Variants in AK7 observed in about 807,000 individuals in gnomAD.
AK7 encodes the protein ATP-AMP transphosphorylase 7.
AK7 carries 78 observed loss-of-function variants against 96.6 expected under a neutral mutation model. The observed-to-expected ratio is 0.81, with a 90% CI of 0.67 to 0.97. AK7 has a LOEUF of 0.97. Ranked by LOEUF, AK7 falls within the 50% of genes least tolerant of loss-of-function variation. The pLI, the probability that AK7 is intolerant of heterozygous loss-of-function variation, is 0.00. For missense variants in AK7, 855 were observed against 887.9 expected, an observed-to-expected ratio of 0.96 and a Z score of 0.47; for synonymous variants, 302 against 317.2, an observed-to-expected ratio of 0.95 and a Z score of 0.51.
chr14:96,486,990 G>A lies in AK7; in HGVS notation c.2067G>A (p.Met689Ile), dbSNP rs748958281. ...PLRNYLMTYVMPTLIQGLNEC... is the reference protein window; with the variant it reads ...PLRNYLMTYVIPTLIQGLNEC... ...GAAACTATTTAATGACCTATGTGAT[G>A]CCAACTCTTATTCAGGGCCTGAATG... The change falls in exon 17 of 18, where the codon ATG becomes ATA. Residue 689 changes from methionine to isoleucine, a missense_variant. Met to Ile is a conservative substitution (Grantham distance 10). Coordinates refer to ENST00000267584, the MANE Select transcript of AK7 (RefSeq NM_152327.5). 3 of 1,614,102 alleles carry A rather than the reference G, an allele frequency of 1.9e-6. No homozygotes were observed. Among genetic ancestry groups the A allele is most frequent in the South Asian group, 2.2e-5 (2 of 91,082 alleles).
intron 1 of AK7, among the ~76,000 whole-genome samples, chr14:96,395,557 G>C (rs1459798470): frequency 6.6e-6 from 1 of 151,746 alleles, no homozygotes; most frequent in South Asian, 2.1e-4. Flanking sequence ...AGGAATGAAG[G>C]AGAATCTGGG....
intron 16 of AK7, among the ~76,000 whole-genome samples, chr14:96,484,714 A>G (rs1052876079): frequency 6.6e-6 from 1 of 152,056 alleles, no homozygotes; most frequent in Admixed American, 6.6e-5. Flanking sequence ...CCCCTTTTAT[A>G]CTTTTTAATT....
At chr14:96,406,605 G>T (rs1194748504) in intron 3 of AK7, among the ~76,000 whole-genome samples, 1 of 152,190 alleles carries the variant, frequency 6.6e-6, no homozygotes, top group Non-Finnish European at 1.5e-5. Flanking sequence ...GGTAGGGCAT[G>T]AGGTTGGTAA....
chr14:96,400,206 T>C (rs1890330733), intron 2 of AK7, among the ~76,000 whole-genome samples: 1 of 151,884 alleles, frequency 6.6e-6, no homozygotes, highest in South Asian at 2.1e-4. Context: ...ACCCAGCTAA[T>C]TTTTTGTATC....
intron 4 of AK7, among the ~76,000 whole-genome samples, chr14:96,410,175 G>A (rs1209558629): frequency 1.3e-5 from 2 of 152,190 alleles, no homozygotes; most frequent in South Asian, 2.1e-4. Context: ...AGAACCCCTT[G>A]AGGGCAGGGA....
intron 12 of AK7, among the ~76,000 whole-genome samples, chr14:96,458,674 G>T (rs534211990): frequency 8.6e-5 from 13 of 151,254 alleles, no homozygotes; most frequent in African/African-American, 1.2e-4. Context: ...CCTGGGAGGC[G>T]GAGGTTGCAG....
intron 12 of AK7, among the ~76,000 whole-genome samples, chr14:96,469,859 C>T (rs186986017): frequency 6.6e-6 from 1 of 151,810 alleles, no homozygotes; most frequent in African/African-American, 2.4e-5. Context: ...CTCTTGTTGC[C>T]CAGGCTAGAG....
chr14:96,448,978 T>A (rs1893414346), intron 8 of AK7, among the ~76,000 whole-genome samples: 1 of 141,054 alleles, frequency 7.1e-6, no homozygotes, highest in Non-Finnish European at 1.6e-5. Flanking sequence ...ACAAAAAAAT[T>A]GTGGGGAAAA....
chr14:96,433,766 C>T (rs1010267109), intron 5 of AK7, among the ~76,000 whole-genome samples: 3 of 152,022 alleles, frequency 2.0e-5, no homozygotes, highest in Non-Finnish European at 2.9e-5. Flanking sequence ...TGTTTTTTTC[C>T]TCTGACTGTA....
chr14:96,400,030 CTTTTTTT>C (rs34001068), intron 2 of AK7, among the ~76,000 whole-genome samples: 1 of 86,346 alleles, frequency 1.2e-5, no homozygotes, highest in Non-Finnish European at 2.2e-5. Flanking sequence ...CAAAAACAAT[CTTTTTTT>C]TTTTTTTTTT....
At chr14:96,403,813 G>A (rs928068768) in intron 2 of AK7, among the ~76,000 whole-genome samples, 1 of 152,122 alleles carries the variant, frequency 6.6e-6, no homozygotes, top group Non-Finnish European at 1.5e-5. Flanking sequence ...ATTGGGAAGT[G>A]TACTGGTATT....
chr14:96,400,082 A>C (rs1413821049), intron 2 of AK7, among the ~76,000 whole-genome samples: 1 of 124,252 alleles, frequency 8.0e-6, no homozygotes, highest in Non-Finnish European at 1.6e-5. Flanking sequence ...TCTGTTGCCC[A>C]GACTGAAGTG....
Position 96,478,507 on chromosome 14 carries a change from A to T in AK7, c.1598A>T (p.Glu533Val). 5 of 1,614,164 alleles carry T rather than the reference A, an allele frequency of 3.1e-6. No homozygotes were observed. The highest frequency in any genetic ancestry group is 1.3e-5 in the African/African-American group (1 of 75,028). The change falls in exon 15 of 18, where the codon GAG becomes GTG. Residue 533 changes from glutamate to valine, a missense_variant. Transcript: ENST00000267584. ...GATGCTTCGGATGAGTTTCTGAAGG[A>T]GCGTGTGATAAACCTTCCTGAGAGC... ...ALDASDEFLKERVINLPESIV... is the reference protein window; with the variant it reads ...ALDASDEFLKVRVINLPESIV...
chr14:96,395,915 G>A (rs1023827721), intron 1 of AK7, among the ~76,000 whole-genome samples: 4 of 142,960 alleles, frequency 2.8e-5, no homozygotes, highest in South Asian at 2.3e-4. Flanking sequence ...GGGTTCAGGC[G>A]ATTCTCCTGC....
intron 17 of AK7, chr14:96,487,958 G>T (rs1014847015): frequency 2.8e-5 from 11 of 386,416 alleles, no homozygotes; most frequent in Non-Finnish European, 5.6e-5. Context: ...TGTTGCTCAG[G>T]TTGGAATGCA....
chr14:96,393,264 C>T (rs1013447088), intron 1 of AK7, among the ~76,000 whole-genome samples: 1 of 152,216 alleles, frequency 6.6e-6, no homozygotes, highest in African/African-American at 2.4e-5. Context: ...AATCTAATCT[C>T]ACCCTGGACA....
At chr14:96,421,008 C>T (rs764906182) in intron 5 of AK7, 76 bp downstream of exon 5, 6 of 1,023,276 alleles carry the variant, frequency 5.9e-6, no homozygotes, top group Non-Finnish European at 7.4e-6. Context: ...CTGAGACTTA[C>T]CCCACGGATG....
chr14:96,411,671 A>G (rs1891035836), intron 4 of AK7, among the ~76,000 whole-genome samples: 1 of 152,212 alleles, frequency 6.6e-6, no homozygotes, highest in Non-Finnish European at 1.5e-5. Context: ...CTTCTAAATA[A>G]TCCAGGAGGA....
rs149679209 is a variant in AK7 at position 96,456,333 on chromosome 14, C to T, written c.1099-14C>T. The T allele has an allele frequency of 2.5e-6, 4 of 1,587,434 alleles. No homozygotes were observed. Among genetic ancestry groups the T allele is most frequent in the African/African-American group, 1.4e-5 (1 of 74,014 alleles). On this transcript the variant is annotated splice_polypyrimidine_tract_variant and intron_variant, in intron 10 of 17. Coordinates refer to ENST00000267584, the MANE Select transcript of AK7 (RefSeq NM_152327.5). Reference sequence around the variant, plus strand: ...CAGAGCTTGCTGTATGTTCCTTACTCTCTCCTCTTTCAGCCAATCAAGATC... The same window carrying T: ...CAGAGCTTGCTGTATGTTCCTTACTTTCTCCTCTTTCAGCCAATCAAGATC...
Sources: gnomAD v4.1 joint callset for allele counts (sites outside exome capture counted in the v4.1 genomes callset) on GRCh38, gnomAD v4.1.1 for gene constraint, MANE v1.5 for transcripts, NCBI Gene and HGNC (gene_info 2026-07-23, HGNC 2026-07-21) for gene names.